Variants in NEGR1 observed in about 807,000 individuals in gnomAD.
The protein encoded by NEGR1 is IgLON family member 4.
Under a neutral mutation model 40.9 loss-of-function variants are expected in NEGR1, and 10 were observed. That is an observed-to-expected ratio of 0.24 (90% CI 0.15 to 0.42). The LOEUF is 0.42. Ranked by LOEUF, NEGR1 falls within the 10% of genes least tolerant of loss-of-function variation. The pLI is 1.00. For missense variants in NEGR1, 352 were observed against 438.9 expected, an observed-to-expected ratio of 0.80 and a Z score of 1.77; for synonymous variants, 185 against 166.8, an observed-to-expected ratio of 1.11 and a Z score of -0.84.
At chr1:71,888,030 CACACA>C (rs1282452497) in intron 2 of NEGR1, among the ~76,000 whole-genome samples, 47 of 145,938 alleles carry the variant, frequency 3.2e-4, no homozygotes, top group Non-Finnish European at 6.6e-4. Flanking sequence ...CACACACACA[CACACA>C]CCTCTAGAAT....
intron 3 of NEGR1, among the ~76,000 whole-genome samples, chr1:71,741,332 A>G (rs371279054): frequency 1.4e-4 from 21 of 152,202 alleles, no homozygotes; most frequent in African/African-American, 4.8e-4. Context: ...TAGCAATGAC[A>G]ATGAATATCA....
At chr1:71,798,720 G>A (rs1657431575) in intron 2 of NEGR1, among the ~76,000 whole-genome samples, 1 of 152,066 alleles carries the variant, frequency 6.6e-6, no homozygotes, top group Non-Finnish European at 1.5e-5. Context: ...GGCTATGCAG[G>A]CAGAAAACAA....
intron 6 of NEGR1, among the ~76,000 whole-genome samples, chr1:71,455,635 G>A (rs2101335658): frequency 6.6e-6 from 1 of 152,254 alleles, no homozygotes; most frequent in Admixed American, 6.5e-5. Context: ...TGAGGCAGGG[G>A]AATCGCTTGA....
At chr1:71,454,790 A>G (rs1188847397) in intron 6 of NEGR1, among the ~76,000 whole-genome samples, 1 of 152,200 alleles carries the variant, frequency 6.6e-6, no homozygotes, top group Non-Finnish European at 1.5e-5. Flanking sequence ...TATACCACAG[A>G]TTGGGGGATA....
rs1200416097 is a variant in NEGR1 at position 71,908,872 on chromosome 1, AT to A, written c.409+26206del. On this transcript the variant is annotated intron_variant, in intron 2 of 6. Transcript: ENST00000357731. ...TTGTTACCAAAATAGATATTAAATA[AT>A]TTTTAAACTATATTTTCTTTCTTTT... Among the ~76,000 whole-genome samples the A allele has an allele frequency of 2.6e-5, 4 of 152,290 alleles. No individual in the cohort carries two copies. In the East Asian group the frequency reaches 7.7e-4, roughly 29 times the overall value.
chr1:71,723,685 A>T (rs1315712876), intron 3 of NEGR1, among the ~76,000 whole-genome samples: 1 of 152,008 alleles, frequency 6.6e-6, no homozygotes, highest in Admixed American at 6.6e-5. Context: ...TAATAAATTG[A>T]AGTGCCTTAC....
chr1:71,657,340 C>T (rs1651911544), intron 4 of NEGR1, among the ~76,000 whole-genome samples: 1 of 152,118 alleles, frequency 6.6e-6, no homozygotes, highest in Non-Finnish European at 1.5e-5. Context: ...CTCTGTGAAA[C>T]ATCACTTCTT....
At chr1:71,451,333 AT>A (rs35201330) in intron 6 of NEGR1, among the ~76,000 whole-genome samples, 59 of 138,290 alleles carry the variant, frequency 4.3e-4, no homozygotes, top group Admixed American at 5.1e-4. Context: ...AGTGCTACAG[AT>A]TTTTTTTTTT....
At chr1:71,701,501 T>A (rs553495755) in intron 3 of NEGR1, among the ~76,000 whole-genome samples, 1 of 152,144 alleles carries the variant, frequency 6.6e-6, no homozygotes, top group South Asian at 2.1e-4. Flanking sequence ...ACCACTCTAC[T>A]GTTTTCTTCT....
chr1:72,011,578 G>A (rs1208726423), intron 1 of NEGR1, among the ~76,000 whole-genome samples: 1 of 152,132 alleles, frequency 6.6e-6, no homozygotes, highest in Non-Finnish European at 1.5e-5. Context: ...AGGAATTAAT[G>A]AGCCACAATA....
At chr1:72,237,303 T>A (rs576770606) in intron 1 of NEGR1, among the ~76,000 whole-genome samples, 1 of 152,010 alleles carries the variant, frequency 6.6e-6, no homozygotes, top group Non-Finnish European at 1.5e-5. Context: ...CAGAGAATCA[T>A]ATATTTTAAA....
intron 6 of NEGR1, among the ~76,000 whole-genome samples, chr1:71,449,583 A>G (rs1458369702): frequency 1.3e-5 from 2 of 152,254 alleles, no homozygotes; most frequent in East Asian, 3.8e-4. Flanking sequence ...GAATTTAAGA[A>G]GTAAATTTTA....
intron 1 of NEGR1, among the ~76,000 whole-genome samples, chr1:72,107,558 C>T (rs1211009904): frequency 6.6e-6 from 1 of 151,454 alleles, no homozygotes; most frequent in African/African-American, 2.4e-5. Context: ...AAAAAGATGT[C>T]ACATCTATTG....
At chr1:71,411,918 T>C (rs1010030324) in intron 6 of NEGR1, among the ~76,000 whole-genome samples, 1 of 152,000 alleles carries the variant, frequency 6.6e-6, no homozygotes, top group Admixed American at 6.6e-5. Flanking sequence ...CTAGAATCAC[T>C]TGAACCCAGG....
At chr1:71,697,554 G>C (rs1653519409) in intron 4 of NEGR1, among the ~76,000 whole-genome samples, 1 of 151,740 alleles carries the variant, frequency 6.6e-6, no homozygotes, top group Admixed American at 6.6e-5. Context: ...AAACGAAATA[G>C]AAATAAGTCA....
chr1:71,506,087 T>C (rs1647033271), intron 6 of NEGR1, among the ~76,000 whole-genome samples: 1 of 152,076 alleles, frequency 6.6e-6, no homozygotes, highest in African/African-American at 2.4e-5. Context: ...AGGAGAGAAC[T>C]CCAAAAATTT....
intron 4 of NEGR1, among the ~76,000 whole-genome samples, chr1:71,667,558 T>C (rs1389227548): frequency 2.0e-5 from 3 of 152,238 alleles, no homozygotes; most frequent in African/African-American, 7.2e-5. Flanking sequence ...TGGGGGAAAA[T>C]GTAGTACAGA....
intron 2 of NEGR1, among the ~76,000 whole-genome samples, chr1:71,886,028 G>T (rs908429224): frequency 6.6e-6 from 1 of 152,056 alleles, no homozygotes; most frequent in African/African-American, 2.4e-5. Context: ...ATCAAAAGAC[G>T]ACAGCTTTTT....
intron 1 of NEGR1, among the ~76,000 whole-genome samples, chr1:72,246,446 C>T (rs1557596245): frequency 6.6e-6 from 1 of 152,188 alleles, no homozygotes; most frequent in African/African-American, 2.4e-5. Context: ...CCATGCCATG[C>T]ATCCACTTTA....
Sources: gnomAD v4.1 joint callset for allele counts (sites outside exome capture counted in the v4.1 genomes callset) on GRCh38, gnomAD v4.1.1 for gene constraint, MANE v1.5 for transcripts, NCBI Gene and HGNC (gene_info 2026-07-23, HGNC 2026-07-21) for gene names.